The following LARP4 variants were observed in gnomAD, a reference collection of about 807,000 sequenced individuals.
The protein encoded by LARP4 is la-related protein 4.
In LARP4, 29 loss-of-function variants were observed where a neutral mutation model predicts 92.9. That is an observed-to-expected ratio of 0.31 (90% CI 0.23 to 0.43). The LOEUF (loss-of-function observed/expected upper bound fraction) is 0.43, where lower values mean the gene tolerates loss of function less well. Ranked by LOEUF, LARP4 falls within the 20% of genes least tolerant of loss-of-function variation. The pLI is 1.00. For synonymous variants in LARP4, 279 were observed against 284.1 expected (o/e 0.98, Z 0.18); for missense variants, 732 against 860.0 (o/e 0.85, Z 1.86).
chr12:50,428,115 C>A (rs1170274306), intron 2 of LARP4, among the ~76,000 whole-genome samples: 1 of 151,534 alleles, frequency 6.6e-6, no homozygotes, highest in African/African-American at 2.4e-5. Flanking sequence ...CCTGCCTCAG[C>A]CTCCCGGGTG....
intron 11 of LARP4, 106 bp from the exon 12 acceptor site, chr12:50,462,476 C>A (rs865921554): frequency 6.0e-5 from 28 of 466,364 alleles, no homozygotes; most frequent in South Asian, 7.8e-5. Context: ...GACTCCATCT[C>A]AAAAAAAAAA....
At chr12:50,439,212 T>A (rs1950856854) in intron 6 of LARP4, among the ~76,000 whole-genome samples, 1 of 152,204 alleles carries the variant, frequency 6.6e-6, no homozygotes, top group African/African-American at 2.4e-5. Flanking sequence ...GTGCTGGGAT[T>A]ACAGGCGTGA....
At chr12:50,472,874 C>T (rs1342185662) in intron 13 of LARP4, among the ~76,000 whole-genome samples, 1 of 151,084 alleles carries the variant, frequency 6.6e-6, no homozygotes, top group East Asian at 1.9e-4. Flanking sequence ...GGCTGGAGTG[C>T]AGTGGTGCAA....
At chr12:50,437,937 C>T (rs1476771818) in intron 6 of LARP4, 99 bp downstream of exon 6, 7 of 686,992 alleles carry the variant, frequency 1.0e-5, no homozygotes, top group Non-Finnish European at 1.7e-5. Context: ...GGAAGAGGTA[C>T]ACAAGCAAAG....
At position 50,438,701 on chromosome 12, in the gene LARP4, A is replaced by G. The variant is rs553310005; in HGVS notation, c.639+863A>G. ...AGCCAAAGGTTTTATTGCCTGTTTT[A>G]CTGATGAAATAACTGACAGTTAGGA... On this transcript the variant is annotated intron_variant, in intron 6 of 15. Coordinates refer to ENST00000398473, the MANE Select transcript of LARP4 (RefSeq NM_052879.5). Among the ~76,000 whole-genome samples, 191 of 152,158 alleles carry G rather than the reference A, an allele frequency of 1.3e-3. 4 individuals carry two copies. Among genetic ancestry groups the G allele is most frequent in the Non-Finnish European group, 1.0e-3 (70 of 68,010 alleles).
At chr12:50,408,433 G>A (rs4768946) in intron 1 of LARP4, among the ~76,000 whole-genome samples, 79 of 152,112 alleles carry the variant, frequency 5.2e-4, no homozygotes, top group Admixed American at 5.0e-3. Flanking sequence ...CCAACCTCAG[G>A]TGATCCGCCC....
At chr12:50,426,684 G>GTGT (rs1555232613) in intron 1 of LARP4, among the ~76,000 whole-genome samples, 1 of 86,172 alleles carries the variant, frequency 1.2e-5, no homozygotes, top group East Asian at 4.2e-4. Flanking sequence ...TTATGTTTGG[G>GTGT]GTGTGTGTGT....
At chr12:50,466,934 C>T (rs746253950) in intron 12 of LARP4, 25 bp from the exon 13 acceptor site, 4 of 1,590,252 alleles carry the variant, frequency 2.5e-6, no homozygotes, top group Non-Finnish European at 3.4e-6. Flanking sequence ...GCCATGTGAC[C>T]TGTTTTATTA....
At chr12:50,409,135 C>A (rs1239406107) in intron 1 of LARP4, among the ~76,000 whole-genome samples, 2 of 152,004 alleles carry the variant, frequency 1.3e-5, no homozygotes, top group Non-Finnish European at 2.9e-5. Context: ...AATTAAGATA[C>A]ATTTATATAC....
intron 1 of LARP4, among the ~76,000 whole-genome samples, chr12:50,411,596 T>C (rs1183035542): frequency 1.3e-5 from 2 of 152,076 alleles, no homozygotes; most frequent in African/African-American, 2.4e-5. Context: ...CCCAAAGTAC[T>C]GGGATTACAG....
chr12:50,473,577 T>A lies in LARP4; in HGVS notation c.1667+41T>A, dbSNP rs149109812. ...TAGAAGATCTTCAACATTAAATTAC[T>A]TTTTCTGGCCGGGTGTGGTGGCTCT... On this transcript the variant is annotated intron_variant, in intron 14 of 15. Transcript: ENST00000398473. 703 of 1,589,710 alleles carry A rather than the reference T, an allele frequency of 4.4e-4. 2 individuals are homozygous for A. In the African/African-American group the frequency reaches 7.8e-3, roughly 18 times the overall value.
chr12:50,402,839 C>T (rs1311014292), intron 1 of LARP4: 9 of 453,514 alleles, frequency 2.0e-5, no homozygotes, highest in African/African-American at 6.0e-5. Context: ...TCGTATCTCT[C>T]GCCAAACTAG....
At chr12:50,444,903 T>C (rs1007947103) in intron 8 of LARP4, among the ~76,000 whole-genome samples, 4 of 152,174 alleles carry the variant, frequency 2.6e-5, no homozygotes, top group African/African-American at 4.8e-5. Flanking sequence ...TAACTAAAAA[T>C]GTCTGGTATT....
chr12:50,427,671 C>T, intron 1 of LARP4, 91 bp from the exon 2 acceptor site: 3 of 749,932 alleles, frequency 4.0e-6, no homozygotes, highest in Non-Finnish European at 5.9e-6. Flanking sequence ...TTCTCCCCCA[C>T]TTTTAAGTAA....
chr12:50,431,084 A>T (rs908239651), intron 4 of LARP4, among the ~76,000 whole-genome samples: 1 of 151,966 alleles, frequency 6.6e-6, no homozygotes, highest in African/African-American at 2.4e-5. Flanking sequence ...CCTGACCAAC[A>T]TGGAGAAACC....
intron 8 of LARP4, among the ~76,000 whole-genome samples, 164 bp downstream of exon 8, chr12:50,441,807 G>A (rs1951249057): frequency 6.6e-6 from 1 of 152,292 alleles, no homozygotes; most frequent in African/African-American, 2.4e-5. Flanking sequence ...CCAGCACTTT[G>A]GGAGTCCAAG....
chr12:50,426,711 G>GGTTTTTTTTTTTTTTTT (rs1948794774), intron 1 of LARP4, among the ~76,000 whole-genome samples: 1 of 139,652 alleles, frequency 7.2e-6, no homozygotes, highest in African/African-American at 2.8e-5. Flanking sequence ...GTGTGTGTGT[G>GGTTTTTTTTTTTTTTTT]TGTGTGTGTG....
chr12:50,462,932 T>G (rs889170785), intron 12 of LARP4, among the ~76,000 whole-genome samples: 1 of 152,066 alleles, frequency 6.6e-6, no homozygotes, highest in African/African-American at 2.4e-5. Flanking sequence ...TTACCTTTTC[T>G]TTCTTCTTTC....
intron 1 of LARP4, among the ~76,000 whole-genome samples, chr12:50,404,651 A>G (rs571199645): frequency 1.2e-3 from 174 of 146,688 alleles, no homozygotes; most frequent in African/African-American, 4.2e-3. Context: ...GTCTCAGCTC[A>G]CTGCAACCTC....
Sources: allele counts gnomAD v4.1 joint callset (sites outside exome capture counted in the v4.1 genomes callset), GRCh38; gene constraint gnomAD v4.1.1; transcripts MANE v1.5; gene names NCBI Gene and HGNC (gene_info 2026-07-23, HGNC 2026-07-21).